Variants in DOCK3 observed in about 807,000 individuals in gnomAD.
DOCK3 encodes the protein dedicator of cytokinesis 3, also known as dedicator of cytokinesis protein 3.
A neutral mutation model predicts 265.6 loss-of-function variants in DOCK3; 60 were observed. That is an observed-to-expected ratio of 0.23 (90% confidence interval 0.18 to 0.28). The LOEUF is 0.28. DOCK3 is among the 10% of genes least tolerant of loss of function. The pLI, the probability that DOCK3 is intolerant of heterozygous loss-of-function variation, is 1.00. For missense variants in DOCK3, 1,981 were observed against 2,594.3 expected (o/e 0.76, Z 5.14); for synonymous variants, 881 against 938.0 (o/e 0.94, Z 1.11).
At chr3:51,027,916 A>G (rs2079888303) in intron 5 of DOCK3, among the ~76,000 whole-genome samples, 1 of 151,584 alleles carries the variant, frequency 6.6e-6, no homozygotes, top group African/African-American at 2.4e-5. Context: ...TTTTAAGTGG[A>G]GCATTTAGGC....
intron 9 of DOCK3, among the ~76,000 whole-genome samples, chr3:51,103,035 A>G (rs2083145868): frequency 6.6e-6 from 1 of 152,204 alleles, no homozygotes; most frequent in South Asian, 2.1e-4. Flanking sequence ...CAGGAAAGCC[A>G]CAATACACTT....
chr3:51,093,475 C>T (rs1034361066), intron 9 of DOCK3, among the ~76,000 whole-genome samples: 2 of 152,150 alleles, frequency 1.3e-5, no homozygotes, highest in African/African-American at 2.4e-5. Flanking sequence ...TGATTTTGCT[C>T]TCTGCTCATC....
chr3:51,239,570 G>A (rs12053961), intron 21 of DOCK3, among the ~76,000 whole-genome samples: 16 of 123,626 alleles, frequency 1.3e-4, no homozygotes, highest in African/African-American at 4.5e-4. Flanking sequence ...TTTTTTGTTT[G>A]TTTGTTTTTT....
At chr3:51,208,669 A>G in intron 12 of DOCK3, 105 bp from the exon 13 acceptor site, 1 of 864,400 alleles carries the variant, frequency 1.2e-6, no homozygotes, top group Non-Finnish European at 1.8e-6. Context: ...TTTCTTTAGG[A>G]AAGTGAGGGA....
rs925233098 is a variant in DOCK3 at position 51,160,721 on chromosome 3, G to C, written c.1037+19G>C. 2.5e-6 allele frequency: 4 copies of C among 1,606,560 alleles called. No individual in the cohort carries two copies. The highest frequency in any genetic ancestry group is 1.3e-5 in the African/African-American group (1 of 74,746). On this transcript the variant is annotated intron_variant, in intron 12 of 52. Coordinates refer to ENST00000266037, the MANE Select transcript of DOCK3 (RefSeq NM_004947.5). ...TTTACACGTGAGTAATGGACATCAG[G>C]AATATTAATGATTTGTAGCATAAGA...
chr3:51,043,035 T>G (rs2080602502), intron 5 of DOCK3, among the ~76,000 whole-genome samples: 1 of 152,182 alleles, frequency 6.6e-6, no homozygotes, highest in South Asian at 2.1e-4. Flanking sequence ...CAACTATAGA[T>G]TCAATGCTAG....
intron 9 of DOCK3, among the ~76,000 whole-genome samples, chr3:51,090,784 G>T (rs2082608886): frequency 6.6e-6 from 1 of 152,146 alleles, no homozygotes; most frequent in Non-Finnish European, 1.5e-5. Context: ...AGGGTTTGAA[G>T]AAAAAGGGGG....
At chr3:51,315,549 AG>A (rs2083317552) in intron 32 of DOCK3, among the ~76,000 whole-genome samples, 1 of 152,070 alleles carries the variant, frequency 6.6e-6, no homozygotes, top group Non-Finnish European at 1.5e-5. Flanking sequence ...TACTGCACAG[AG>A]GGGTTGGTCC....
At chr3:50,844,972 C>G (rs1248134260) in intron 3 of DOCK3, among the ~76,000 whole-genome samples, 3 of 152,142 alleles carry the variant, frequency 2.0e-5, no homozygotes, top group Non-Finnish European at 2.9e-5. Context: ...CCTATAATCC[C>G]AGCACTTTGG....
intron 5 of DOCK3, among the ~76,000 whole-genome samples, chr3:51,047,263 TGGGGGA>T (rs2080812781): frequency 1.5e-4 from 2 of 13,634 alleles, no homozygotes; most frequent in African/African-American, 1.0e-3. Flanking sequence ...GTCATGAGGT[TGGGGGA>T]GGGGGAGGGA....
chr3:50,942,400 CA>C (rs1299836342), intron 5 of DOCK3, among the ~76,000 whole-genome samples: 1 of 151,888 alleles, frequency 6.6e-6, no homozygotes, highest in Non-Finnish European at 1.5e-5. Flanking sequence ...TTTTTAGCAT[CA>C]ATTATGCTAT....
intron 9 of DOCK3, among the ~76,000 whole-genome samples, chr3:51,120,309 A>G (rs1044343635): frequency 2.6e-5 from 4 of 152,136 alleles, no homozygotes; most frequent in African/African-American, 9.6e-5. Flanking sequence ...ACAGAACAGC[A>G]AAGATTGCTG....
chr3:51,249,051 G>A (rs1463313703), intron 22 of DOCK3, among the ~76,000 whole-genome samples: 2 of 151,286 alleles, frequency 1.3e-5, no homozygotes, highest in African/African-American at 2.4e-5. Context: ...ACCCCGTCTG[G>A]GAAGTGAGGA....
At chr3:51,313,717 C>G (rs2083217247) in intron 31 of DOCK3, among the ~76,000 whole-genome samples, 1 of 152,204 alleles carries the variant, frequency 6.6e-6, no homozygotes. Flanking sequence ...CACCACTAAC[C>G]TAGAGGCAGC....
At chr3:51,362,207 C>T (rs931358132) in intron 48 of DOCK3, among the ~76,000 whole-genome samples, 14 of 152,224 alleles carry the variant, frequency 9.2e-5, no homozygotes, top group Admixed American at 2.6e-4. Context: ...AGAAGAAAAT[C>T]CAGCTTCAGT....
chr3:50,858,468 G>A (rs529025360), intron 3 of DOCK3, among the ~76,000 whole-genome samples: 1 of 147,564 alleles, frequency 6.8e-6, no homozygotes, highest in Admixed American at 6.7e-5. Context: ...AAAATGTTTA[G>A]TATAGGCTCC....
intron 1 of DOCK3, among the ~76,000 whole-genome samples, chr3:50,677,510 A>C (rs897892112): frequency 3.9e-5 from 6 of 152,222 alleles, no homozygotes; most frequent in Admixed American, 2.6e-4. Flanking sequence ...CCTGTGAGAA[A>C]ATGTTTGAGT....
intron 27 of DOCK3, among the ~76,000 whole-genome samples, chr3:51,291,279 A>T (rs1227306807): frequency 2.6e-5 from 4 of 152,260 alleles, no homozygotes; most frequent in Non-Finnish European, 4.4e-5. Flanking sequence ...AAGTTAACAG[A>T]AGGAAAGAAA....
intron 7 of DOCK3, among the ~76,000 whole-genome samples, chr3:51,086,731 G>A (rs2082441077): frequency 6.6e-6 from 1 of 152,202 alleles, no homozygotes; most frequent in Admixed American, 6.5e-5. Flanking sequence ...CCAGGAGGTG[G>A]AGGTTGCAGT....
Sources: gnomAD v4.1 joint callset for allele counts (sites outside exome capture counted in the v4.1 genomes callset) on GRCh38, gnomAD v4.1.1 for gene constraint, MANE v1.5 for transcripts, NCBI Gene and HGNC (gene_info 2026-07-23, HGNC 2026-07-21) for gene names.